The following MAF variants were observed in gnomAD, a reference collection of about 807,000 sequenced individuals.
MAF encodes transcription factor Maf.
MAF carries 10 observed loss-of-function variants against 22.0 expected under a neutral mutation model. The ratio of observed to expected loss-of-function variants is 0.45; its 90% CI spans 0.28 to 0.77. The LOEUF is 0.77. Ranked by LOEUF, MAF falls within the 30% of genes least tolerant of loss-of-function variation. The pLI is 0.12. For missense variants in MAF, 544 were observed against 548.4 expected, an observed-to-expected ratio of 0.99 and a Z score of 0.08; for synonymous variants, 337 against 255.8, an observed-to-expected ratio of 1.32 and a Z score of -3.03.
chr16:79,303,645 T>A, the MAF span, among the ~76,000 whole-genome samples: 1 of 152,218 alleles, frequency 6.6e-6, no homozygotes, highest in Non-Finnish European at 1.5e-5. Context: ...TGGCAAATAA[T>A]GATGCCTATT....
the MAF span, among the ~76,000 whole-genome samples, chr16:79,247,504 C>T: frequency 6.6e-6 from 1 of 152,196 alleles, no homozygotes; most frequent in Non-Finnish European, 1.5e-5. Flanking sequence ...CTCCTGTTTG[C>T]TGAGCTTTGT....
At chr16:79,530,980 C>A in the MAF span, among the ~76,000 whole-genome samples, 10 of 152,308 alleles carry the variant, frequency 6.6e-5, no homozygotes, top group South Asian at 2.1e-4. Flanking sequence ...AACCAGGAGA[C>A]TTGCCCTAGA....
chr16:79,525,383 C>T, the MAF span, among the ~76,000 whole-genome samples: 1 of 152,278 alleles, frequency 6.6e-6, no homozygotes, highest in East Asian at 1.9e-4. Flanking sequence ...CGGCCATGCG[C>T]TCGGAGGGGA....
At chr16:79,515,646 C>T in the MAF span, among the ~76,000 whole-genome samples, 6 of 152,262 alleles carry the variant, frequency 3.9e-5, no homozygotes, top group East Asian at 1.9e-4. Flanking sequence ...AGTTGAGAAG[C>T]GTCTGTATTT....
the MAF span, among the ~76,000 whole-genome samples, chr16:79,392,077 A>C: frequency 6.7e-6 from 1 of 149,444 alleles, no homozygotes; most frequent in African/African-American, 2.5e-5. Flanking sequence ...GACAGAGGAG[A>C]TGCAGAGAAA....
At chr16:79,259,165 C>G in the MAF span, among the ~76,000 whole-genome samples, 1 of 152,190 alleles carries the variant, frequency 6.6e-6, no homozygotes, top group African/African-American at 2.4e-5. Flanking sequence ...CCTCACCAGG[C>G]CGGCTGGCTC....
chr16:79,432,898 C>A, the MAF span, among the ~76,000 whole-genome samples: 4,399 of 152,240 alleles, frequency 0.029, 76 homozygotes, highest in Middle Eastern at 0.051. Context: ...ACCAACTTTG[C>A]CAGCACAGTG....
At chr16:79,499,039 C>A in the MAF span, among the ~76,000 whole-genome samples, 8 of 152,240 alleles carry the variant, frequency 5.3e-5, no homozygotes, top group East Asian at 1.9e-4. Context: ...CCCAGATAGA[C>A]AAGGTAGCAC....
chr16:79,226,643 A>G, the MAF span, among the ~76,000 whole-genome samples: 2 of 151,990 alleles, frequency 1.3e-5, no homozygotes, highest in African/African-American at 2.4e-5. Context: ...GTACCTACAA[A>G]TACGTATTGA....
chr16:79,344,724 T>C, the MAF span, among the ~76,000 whole-genome samples: 1 of 152,216 alleles, frequency 6.6e-6, no homozygotes, highest in Non-Finnish European at 1.5e-5. Flanking sequence ...TTTTGGGTTA[T>C]ACCATCCTGT....
At chr16:79,540,526 G>A in the MAF span, among the ~76,000 whole-genome samples, 2 of 152,102 alleles carry the variant, frequency 1.3e-5, no homozygotes, top group Non-Finnish European at 2.9e-5. Context: ...CCATCACAGG[G>A]GCTTCCTCTC....
chr16:79,580,294 G>C, the MAF span, among the ~76,000 whole-genome samples: 2 of 152,134 alleles, frequency 1.3e-5, no homozygotes, highest in East Asian at 1.9e-4. Context: ...GTTGCCCTTA[G>C]ACTAGGGTCT....
chr16:79,221,243 T>C, the MAF span, among the ~76,000 whole-genome samples: 1 of 152,212 alleles, frequency 6.6e-6, no homozygotes, highest in African/African-American at 2.4e-5. Context: ...TTTGAAGGAC[T>C]TTATGATGAA....
the MAF span, among the ~76,000 whole-genome samples, chr16:79,438,936 T>TC: frequency 6.6e-6 from 1 of 152,130 alleles, no homozygotes; most frequent in African/African-American, 2.4e-5. Context: ...GTCCTCATCA[T>TC]GTGAGAGACT....
At chr16:79,419,722 T>C in the MAF span, among the ~76,000 whole-genome samples, 1 of 152,162 alleles carries the variant, frequency 6.6e-6, no homozygotes, top group East Asian at 1.9e-4. Flanking sequence ...GAAGAAAACC[T>C]AGACCGAGCT....
At chr16:79,243,103 G>T in the MAF span, among the ~76,000 whole-genome samples, 1 of 151,828 alleles carries the variant, frequency 6.6e-6, no homozygotes, top group African/African-American at 2.4e-5. Context: ...AGCAAGAAAG[G>T]ATCTAAAATC....
intron 1 of MAF, chr16:79,597,433 C>T (rs762450308): frequency 3.8e-5 from 39 of 1,029,036 alleles, no homozygotes; most frequent in Admixed American, 5.7e-5. Context: ...TTTTAGACTG[C>T]TTCTCGGCAA....
the MAF span, among the ~76,000 whole-genome samples, chr16:79,279,246 G>A: frequency 6.6e-6 from 1 of 152,124 alleles, no homozygotes; most frequent in African/African-American, 2.4e-5. Flanking sequence ...TGGGGTCCTA[G>A]TCAGCTCTCC....
At chr16:79,473,656 G>A in the MAF span, among the ~76,000 whole-genome samples, 1 of 152,160 alleles carries the variant, frequency 6.6e-6, no homozygotes, top group East Asian at 1.9e-4. Flanking sequence ...AGGGCACGGG[G>A]TGAGCATGTC....
Sources: allele counts gnomAD v4.1 joint callset (sites outside exome capture counted in the v4.1 genomes callset), GRCh38; gene constraint gnomAD v4.1.1; transcripts MANE v1.5; gene names NCBI Gene and HGNC (gene_info 2026-07-23, HGNC 2026-07-21).